FAM171B: variants seen among roughly 807,000 people sequenced by gnomAD.
The protein encoded by FAM171B is family with sequence similarity 171 member B, also known as protein FAM171B.
FAM171B carries 19 observed loss-of-function variants against 75.6 expected under a neutral mutation model. That is an observed-to-expected ratio of 0.25 (90% CI 0.18 to 0.37). FAM171B has a LOEUF of 0.37. Ranked by LOEUF, FAM171B falls within the 10% of genes least tolerant of loss-of-function variation. The probability of loss-of-function intolerance (pLI) is 1.00; values close to 1 mark genes in which losing one functional copy is unlikely to be tolerated. For missense variants in FAM171B, 848 were observed against 982.4 expected (o/e 0.86, Z 1.83); for synonymous variants, 367 against 361.7 (o/e 1.01, Z -0.17).
At chr2:186,696,749 T>C (rs530531363) in intron 1 of FAM171B, among the ~76,000 whole-genome samples, 31 of 152,118 alleles carry the variant, frequency 2.0e-4, no homozygotes, top group African/African-American at 7.2e-4. Context: ...TGCTCAAGTG[T>C]CTCAGTAACT....
intron 1 of FAM171B, among the ~76,000 whole-genome samples, chr2:186,736,417 A>T (rs1026038061): frequency 2.0e-5 from 3 of 152,250 alleles, no homozygotes; most frequent in African/African-American, 7.2e-5. Context: ...TTTTTTGAAG[A>T]GTAAGTAGAA....
At chr2:186,745,816 G>A (rs1285388398) in intron 3 of FAM171B, among the ~76,000 whole-genome samples, 1 of 152,214 alleles carries the variant, frequency 6.6e-6, no homozygotes, top group Non-Finnish European at 1.5e-5. Flanking sequence ...ATTAAGCCAC[G>A]TATTTTAAAA....
At chr2:186,728,471 T>G (rs1690066885) in intron 1 of FAM171B, among the ~76,000 whole-genome samples, 1 of 152,214 alleles carries the variant, frequency 6.6e-6, no homozygotes, top group African/African-American at 2.4e-5. Context: ...CAGTAAACAT[T>G]TGTTGAATGG....
At position 186,722,465 on chromosome 2, in the gene FAM171B, T is replaced by C. The variant is rs1259680850; in HGVS notation, c.239-17763T>C. Among the ~76,000 whole-genome samples the C allele has an allele frequency of 3.3e-5, 5 of 152,336 alleles. No individual in the cohort carries two copies. In the East Asian group the frequency reaches 9.6e-4, roughly 29 times the overall value. On this transcript the variant is annotated intron_variant, in intron 1 of 7. Transcript: ENST00000304698. ...CTTAACTAGATTCAAGGCACTGTGC[T>C]CATATGTGCTTTACAGTACCATTTT...
chr2:186,738,608 G>A (rs886751547), intron 1 of FAM171B, among the ~76,000 whole-genome samples: 2 of 152,174 alleles, frequency 1.3e-5, no homozygotes, highest in Non-Finnish European at 2.9e-5. Flanking sequence ...AGAACTGGCA[G>A]TTCAGTTTTT....
chr2:186,710,103 A>T (rs1689789640), intron 1 of FAM171B, among the ~76,000 whole-genome samples: 1 of 152,186 alleles, frequency 6.6e-6, no homozygotes, highest in South Asian at 2.1e-4. Context: ...TGTTCTTATC[A>T]CATAAAGCAC....
intron 1 of FAM171B, among the ~76,000 whole-genome samples, chr2:186,709,521 T>G (rs1689781275): frequency 6.6e-6 from 1 of 152,178 alleles, no homozygotes. Flanking sequence ...CAATTGGTAC[T>G]TTTTGCCTTT....
intron 1 of FAM171B, among the ~76,000 whole-genome samples, chr2:186,727,101 A>AT (rs1361376824): frequency 6.6e-6 from 1 of 151,788 alleles, no homozygotes; most frequent in Non-Finnish European, 1.5e-5. Flanking sequence ...AAGTATCCAC[A>AT]TGCTAACTCT....
At chr2:186,700,760 G>T (rs1157555340) in intron 1 of FAM171B, among the ~76,000 whole-genome samples, 1 of 152,108 alleles carries the variant, frequency 6.6e-6, no homozygotes, top group South Asian at 2.1e-4. Flanking sequence ...GAGTGGAATT[G>T]CTTGGCCAAC....
Position 186,765,920 on chromosome 2 carries a change from A to C in FAM171B, c.*3097A>C, listed in dbSNP as rs1271119889. ...AACCTGAAGATTTGTAAAATGTTAAACATAGTTCATTAAAAATAATAAAAT... is the reference window on the plus strand; with the variant it reads ...AACCTGAAGATTTGTAAAATGTTAACCATAGTTCATTAAAAATAATAAAAT... On this transcript the variant is annotated 3_prime_UTR_variant, in exon 8 of 8. Transcript: ENST00000304698. 6.6e-6 allele frequency: 1 copy of C among 152,160 alleles called. No homozygotes were observed. Among genetic ancestry groups the C allele is most frequent in the Non-Finnish European group, 1.5e-5 (1 of 68,000 alleles). The allele number at this position is 152,160 out of a possible 1,614,324, so 9.4% of individuals were successfully genotyped here.
At chr2:186,721,159 G>T in intron 1 of FAM171B, among the ~76,000 whole-genome samples, 1 of 152,242 alleles carries the variant, frequency 6.6e-6, no homozygotes, top group Non-Finnish European at 1.5e-5. Context: ...AATCTTGGCT[G>T]TGCACTAGAA....
At chr2:186,724,264 C>G (rs976787406) in intron 1 of FAM171B, among the ~76,000 whole-genome samples, 29 of 152,108 alleles carry the variant, frequency 1.9e-4, no homozygotes, top group Non-Finnish European at 1.0e-4. Flanking sequence ...ACGGGGTATG[C>G]TGTTCCAGCT....
At chr2:186,749,302 T>G (rs1241940964) in intron 4 of FAM171B, among the ~76,000 whole-genome samples, 2 of 152,220 alleles carry the variant, frequency 1.3e-5, no homozygotes, top group Non-Finnish European at 2.9e-5. Flanking sequence ...CTGACTTGAC[T>G]TTATCTTAAA....
chr2:186,760,003 A>G (rs1690591558), intron 6 of FAM171B, among the ~76,000 whole-genome samples: 2 of 152,132 alleles, frequency 1.3e-5, no homozygotes, highest in African/African-American at 4.8e-5. Flanking sequence ...CTTCTGCATA[A>G]GGATATCCAG....
At chr2:186,737,284 T>G (rs188225187) in intron 1 of FAM171B, among the ~76,000 whole-genome samples, 1 of 152,368 alleles carries the variant, frequency 6.6e-6, no homozygotes, top group Non-Finnish European at 1.5e-5. Flanking sequence ...GATCTGTACT[T>G]AAGGAGTAAG....
At chr2:186,743,462 T>TA (rs1690322138) in intron 2 of FAM171B, 21 bp from the exon 3 acceptor site, 1 of 1,537,244 alleles carries the variant, frequency 6.5e-7, no homozygotes, top group Admixed American at 1.7e-5. Context: ...TAAAATATTC[T>TA]AATTGTGCTA....
chr2:186,704,371 A>T (rs2105771886), intron 1 of FAM171B, among the ~76,000 whole-genome samples: 1 of 152,320 alleles, frequency 6.6e-6, no homozygotes, highest in Non-Finnish European at 1.5e-5. Context: ...TTCCCGGGTT[A>T]TACTAATATC....
At chr2:186,748,398 T>TA (rs999584488) in intron 4 of FAM171B, among the ~76,000 whole-genome samples, 1 of 152,058 alleles carries the variant, frequency 6.6e-6, no homozygotes, top group African/African-American at 2.4e-5. Flanking sequence ...TTTGGTTAGA[T>TA]AGAGTTTTGT....
intron 1 of FAM171B, among the ~76,000 whole-genome samples, chr2:186,736,645 C>CTTTTT (rs71396886): frequency 6.0e-5 from 3 of 50,204 alleles, no homozygotes; most frequent in African/African-American, 1.7e-4. Context: ...GGGATCAGAG[C>CTTTTT]TTTTTTTTTT....
Sources: gnomAD v4.1 joint callset for allele counts (sites outside exome capture counted in the v4.1 genomes callset) on GRCh38, gnomAD v4.1.1 for gene constraint, MANE v1.5 for transcripts, NCBI Gene and HGNC (gene_info 2026-07-23, HGNC 2026-07-21) for gene names.